Variants in REXO2 observed in about 807,000 individuals in gnomAD.
REXO2 encodes oligoribonuclease, mitochondrial.
Under a neutral mutation model 30.9 loss-of-function variants are expected in REXO2, and 17 were observed. The observed-to-expected ratio is 0.55, with a 90% confidence interval of 0.38 to 0.82. REXO2 has a LOEUF of 0.82. REXO2 is among the 40% of genes least tolerant of loss of function. The pLI, the probability that REXO2 is intolerant of heterozygous loss-of-function variation, is 0.00. For synonymous variants in REXO2, 105 were observed against 99.6 expected, an observed-to-expected ratio of 1.05 and a Z score of -0.32; for missense variants, 253 against 293.2, an observed-to-expected ratio of 0.86 and a Z score of 1.00.
At chr11:114,441,391 G>A (rs932958096) in intron 2 of REXO2, among the ~76,000 whole-genome samples, 6 of 152,172 alleles carry the variant, frequency 3.9e-5, no homozygotes, top group Non-Finnish European at 7.4e-5. Context: ...GTGCACACCC[G>A]TAAAGTGTTC....
intron 4 of REXO2, 53 bp from the exon 5 acceptor site, chr11:114,445,926 C>T: frequency 2.1e-6 from 2 of 930,662 alleles, no homozygotes; most frequent in East Asian, 2.5e-5. Flanking sequence ...TTTTGATATC[C>T]TGTTGTATAA....
At chr11:114,439,861 T>C (rs1040739024) in intron 1 of REXO2, 186 bp downstream of exon 1, 1 of 663,574 alleles carries the variant, frequency 1.5e-6, no homozygotes, top group Non-Finnish European at 2.5e-6. Context: ...GGCGCCGTGC[T>C]GCGCTGTAGG....
intron 5 of REXO2, chr11:114,446,344 A>G: frequency 6.8e-6 from 2 of 295,090 alleles, no homozygotes; most frequent in Non-Finnish European, 1.2e-5. Flanking sequence ...TTCTGGATTA[A>G]CTAATATTAT....
intron 5 of REXO2, 122 bp downstream of exon 5, chr11:114,446,209 C>A: frequency 1.7e-6 from 1 of 574,304 alleles, no homozygotes. Context: ...ATATCTTCCT[C>A]ATCCCATTCT....
At chr11:114,442,713 A>G (rs990907010) in intron 2 of REXO2, among the ~76,000 whole-genome samples, 15 of 152,170 alleles carry the variant, frequency 9.9e-5, no homozygotes, top group African/African-American at 3.6e-4. Context: ...ACAGTTTATT[A>G]TTATCACTAT....
chr11:114,443,940 T>C lies in REXO2; in HGVS notation c.309+7T>C. The C allele has an allele frequency of 6.3e-7, 1 of 1,596,216 alleles. No individual in the cohort carries two copies. Among genetic ancestry groups the C allele is most frequent in the South Asian group, 1.1e-5 (1 of 88,416 alleles). On this transcript the variant is annotated splice_region_variant and intron_variant, in intron 3 of 6. Transcript: ENST00000265881. ...TAAGGAGCATCACGGGAAGGTAACA[T>C]TACCAAATAACAGGATTGCTGCTTT... is the stretch of plus-strand genomic sequence containing the variant.
chr11:114,444,076 C>T (rs1946497087), intron 3 of REXO2, 143 bp downstream of exon 3: 2 of 706,376 alleles, frequency 2.8e-6, no homozygotes, highest in East Asian at 5.6e-5. Flanking sequence ...AAACTGCTTG[C>T]TTGTTTACTT....
chr11:114,450,102 G>T lies in REXO2; in HGVS notation c.*127G>T. 1 of 887,724 alleles carries T rather than the reference G, an allele frequency of 1.1e-6. No individual in the cohort carries two copies. The highest frequency in any genetic ancestry group is 1.7e-5 in the African/African-American group (1 of 58,644). The allele number at this position is 887,724 out of a possible 1,614,324, so 55.0% of individuals were successfully genotyped here. A position where few individuals can be genotyped will look rare whatever the true frequency, so the allele number is the denominator to read the frequency against. On this transcript the variant is annotated 3_prime_UTR_variant, in exon 7 of 7. Coordinates refer to ENST00000265881, the MANE Select transcript of REXO2 (RefSeq NM_015523.4). ...CATCTCCAGATTGATTACTCAAGCAGACAGCACACGAAATACTATTTTTCT... is the reference window on the plus strand; with the variant it reads ...CATCTCCAGATTGATTACTCAAGCATACAGCACACGAAATACTATTTTTCT...
chr11:114,439,749 C>T (rs879705034), intron 1 of REXO2, 74 bp downstream of exon 1: 594 of 1,419,554 alleles, frequency 4.2e-4, no homozygotes, highest in Non-Finnish European at 5.3e-4. Context: ...CGAGCCCGTC[C>T]TGGGAGAGCG....
Position 114,443,941 on chromosome 11 carries a change from T to C in REXO2, c.309+8T>C. 1 of 1,594,998 alleles carries C rather than the reference T, an allele frequency of 6.3e-7. No homozygotes were observed. The highest frequency in any genetic ancestry group is 8.6e-7 in the Non-Finnish European group (1 of 1,167,374). ...AAGGAGCATCACGGGAAGGTAACAT[T>C]ACCAAATAACAGGATTGCTGCTTTG... is the stretch of plus-strand genomic sequence containing the variant. On this transcript the variant is annotated splice_region_variant and intron_variant, in intron 3 of 6. Coordinates refer to ENST00000265881, the MANE Select transcript of REXO2 (RefSeq NM_015523.4).
intron 2 of REXO2, chr11:114,441,715 G>A (rs757417610): frequency 4.6e-5 from 32 of 702,128 alleles, no homozygotes; most frequent in Non-Finnish European, 7.8e-5. Flanking sequence ...TAAATCTGCA[G>A]TTAACACTTT....
chr11:114,447,166 TC>T (rs1565271755), intron 5 of REXO2, among the ~76,000 whole-genome samples: 4 of 152,098 alleles, frequency 2.6e-5, no homozygotes, highest in African/African-American at 7.2e-5. Flanking sequence ...GACCTCGTGA[TC>T]CGCCTGCCTC....
In REXO2 at chr11:114,450,047, T is replaced by C. The variant is rs994420151; in HGVS notation, c.*72T>C. The C allele has an allele frequency of 4.7e-6, 7 of 1,492,376 alleles. No individual in the cohort carries two copies. In the African/African-American group the frequency reaches 5.7e-5, roughly 12 times the overall value. 92.4% of individuals were successfully genotyped at this position (1,492,376 alleles called of 1,614,324 possible). A position where few individuals can be genotyped will look rare whatever the true frequency, so the allele number is the denominator to read the frequency against. On this transcript the variant is annotated 3_prime_UTR_variant, in exon 7 of 7. Coordinates refer to ENST00000265881, the MANE Select transcript of REXO2 (RefSeq NM_015523.4). ...TGGTGGTTTTTTTTTCTCACGCTGA[T>C]GGCTTGGCAGAGCACCTTCGGTTAA...
chr11:114,450,066 C>A lies in REXO2; in HGVS notation c.*91C>A. 1.5e-6 allele frequency: 2 copies of A among 1,321,516 alleles called. No individual in the cohort carries two copies. The highest frequency in any genetic ancestry group is 2.1e-6 in the Non-Finnish European group (2 of 966,152). 81.9% of individuals were successfully genotyped at this position (1,321,516 alleles called of 1,614,324 possible). A position where few individuals can be genotyped will look rare whatever the true frequency, so the allele number is the denominator to read the frequency against. On this transcript the variant is annotated 3_prime_UTR_variant, in exon 7 of 7. Transcript: ENST00000265881. The stretch of plus-strand genomic sequence containing the variant: ...CGCTGATGGCTTGGCAGAGCACCTT[C>A]GGTTAACTTGCATCTCCAGATTGAT...
intron 2 of REXO2, among the ~76,000 whole-genome samples, chr11:114,443,041 A>T (rs992994449): frequency 3.3e-5 from 5 of 151,938 alleles, no homozygotes; most frequent in Non-Finnish European, 5.9e-5. Context: ...TGTTTTTTTT[A>T]AAACAAGTGT....
intron 4 of REXO2, chr11:114,445,643 G>T: frequency 5.9e-6 from 1 of 170,732 alleles, no homozygotes; most frequent in Non-Finnish European, 1.2e-5. Flanking sequence ...TGTGAATTTT[G>T]TGACACTGGG....
intron 1 of REXO2, chr11:114,439,897 T>G (rs1031520987): frequency 3.2e-5 from 19 of 587,586 alleles, no homozygotes; most frequent in South Asian, 1.5e-4. Context: ...GGAGGAGTCC[T>G]CCGTGTGGCT....
intron 2 of REXO2, 135 bp downstream of exon 2, chr11:114,440,874 G>A (rs576044591): frequency 5.0e-6 from 3 of 602,646 alleles, no homozygotes; most frequent in Admixed American, 3.1e-5. Context: ...CTAGGTCATG[G>A]TAGGGGTGGT....
chr11:114,450,182 T>C lies in REXO2; in HGVS notation c.*207T>C, dbSNP rs1946536653. On this transcript the variant is annotated 3_prime_UTR_variant, in exon 7 of 7. Transcript: ENST00000265881. ...CAGCTCCTTTGTAAGTACCAGGTCATGTCCATCCCTTGGTACATATATGCA... is the reference window on the plus strand; with the variant it reads ...CAGCTCCTTTGTAAGTACCAGGTCACGTCCATCCCTTGGTACATATATGCA... The C allele has an allele frequency of 2.6e-6, 1 of 388,548 alleles. No homozygotes were observed. The highest frequency in any genetic ancestry group is 4.6e-6 in the Non-Finnish European group (1 of 216,268). 24.1% of individuals were successfully genotyped at this position (388,548 alleles called of 1,614,324 possible).
Sources: allele counts gnomAD v4.1 joint callset (sites outside exome capture counted in the v4.1 genomes callset), GRCh38; gene constraint gnomAD v4.1.1; transcripts MANE v1.5; gene names NCBI Gene and HGNC (gene_info 2026-07-23, HGNC 2026-07-21).